MYRIP: variants seen among roughly 807,000 people sequenced by gnomAD.
MYRIP encodes rab effector MyRIP.
In MYRIP, 49 loss-of-function variants were observed where a neutral mutation model predicts 98.0. That is an observed-to-expected ratio of 0.50 (90% CI 0.40 to 0.63). MYRIP has a LOEUF of 0.63. Among genes scored for constraint, MYRIP ranks in the 30% least tolerant of loss-of-function variants. The pLI, the probability that MYRIP is intolerant of heterozygous loss-of-function variation, is 0.00. For missense variants in MYRIP, 1,004 were observed against 1,058.2 expected (o/e 0.95, Z 0.71); for synonymous variants, 404 against 409.5 (o/e 0.99, Z 0.16).
At chr3:39,996,237 C>T (rs929577511) in intron 2 of MYRIP, among the ~76,000 whole-genome samples, 1 of 152,088 alleles carries the variant, frequency 6.6e-6, no homozygotes, top group Non-Finnish European at 1.5e-5. Flanking sequence ...CACAGACTGG[C>T]AAATTGGATA....
At position 40,046,279 on chromosome 3, in the gene MYRIP, G is replaced by T. The variant is rs184695942; in HGVS notation, c.332+2008G>T. 1.6e-3 allele frequency among the ~76,000 whole-genome samples: 247 copies of T among 152,144 alleles called. 1 individual carries two copies. Among genetic ancestry groups the T allele is most frequent in the African/African-American group, 5.7e-3 (236 of 41,492 alleles). On this transcript the variant is annotated intron_variant, in intron 3 of 16. Coordinates refer to ENST00000302541, the MANE Select transcript of MYRIP (RefSeq NM_015460.4). ...ATTCTGCACCTACCAAGTTGGGCAA[G>T]TCCCATGTAGCATTTGACTCAAACA...
intron 3 of MYRIP, among the ~76,000 whole-genome samples, chr3:40,081,942 C>T (rs1451779583): frequency 2.0e-5 from 3 of 152,180 alleles, no homozygotes; most frequent in Non-Finnish European, 4.4e-5. Context: ...TCTGTGCTGA[C>T]TTCTTTCACT....
chr3:40,163,949 A>G (rs1260729254), intron 5 of MYRIP, among the ~76,000 whole-genome samples: 2 of 152,154 alleles, frequency 1.3e-5, no homozygotes, highest in Non-Finnish European at 2.9e-5. Context: ...ACACCATTGT[A>G]TGACCTCAAG....
intron 10 of MYRIP, chr3:40,209,401 T>A (rs1303088284): frequency 6.4e-6 from 1 of 155,982 alleles, no homozygotes; most frequent in Admixed American, 6.3e-5. Context: ...GATTTGATCA[T>A]TACACAATGT....
chr3:40,027,786 T>C lies in MYRIP; in HGVS notation c.111-16264T>C, dbSNP rs373678489. Among the ~76,000 whole-genome samples the C allele has an allele frequency of 1.3e-3, 205 of 152,124 alleles. 3 individuals are homozygous for C. The South Asian group carries it at 0.041, about 30-fold the overall frequency. On this transcript the variant is annotated intron_variant, in intron 2 of 16. Transcript: ENST00000302541. The stretch of plus-strand genomic sequence containing the variant: ...AATAAGTGTGAATTGAGAGAATGAT[T>C]GACATTCTAAGCAAAGCCCATGGCT...
chr3:39,957,541 A>C (rs1437307872), intron 2 of MYRIP, among the ~76,000 whole-genome samples: 2 of 152,098 alleles, frequency 1.3e-5, no homozygotes, highest in East Asian at 3.8e-4. Context: ...AAATAATAAG[A>C]GCTATTTATG....
intron 3 of MYRIP, among the ~76,000 whole-genome samples, chr3:40,125,618 G>T (rs773061711): frequency 2.0e-5 from 3 of 152,166 alleles, no homozygotes; most frequent in Non-Finnish European, 4.4e-5. Flanking sequence ...TAACCATCAC[G>T]CTAGCTATGT....
intron 3 of MYRIP, among the ~76,000 whole-genome samples, chr3:40,139,491 G>A (rs763433623): frequency 8.5e-5 from 13 of 152,146 alleles, no homozygotes; most frequent in Non-Finnish European, 1.6e-4. Context: ...TTTCATTTAA[G>A]TGGAATAATA....
chr3:39,824,692 A>C (rs756539626), intron 1 of MYRIP, among the ~76,000 whole-genome samples: 2 of 150,158 alleles, frequency 1.3e-5, no homozygotes, highest in Non-Finnish European at 3.0e-5. Flanking sequence ...TATTAATCCT[A>C]CTAATCCGAC....
At chr3:39,816,926 C>T (rs1940937027) in intron 1 of MYRIP, among the ~76,000 whole-genome samples, 1 of 152,106 alleles carries the variant, frequency 6.6e-6, no homozygotes, top group East Asian at 1.9e-4. Context: ...GTAATGATAA[C>T]AGCCTTCACA....
intron 2 of MYRIP, among the ~76,000 whole-genome samples, chr3:39,944,196 C>A (rs1358742813): frequency 6.6e-6 from 1 of 152,040 alleles, no homozygotes. Flanking sequence ...GTGTTTGTAG[C>A]CTATAACCTT....
intron 3 of MYRIP, among the ~76,000 whole-genome samples, chr3:40,122,869 TA>T (rs562152411): frequency 3.1e-3 from 469 of 152,238 alleles, no homozygotes; most frequent in Middle Eastern, 6.8e-3. Flanking sequence ...AAAGTAGATA[TA>T]TTTTTTTTTA....
intron 10 of MYRIP, among the ~76,000 whole-genome samples, chr3:40,207,257 T>C (rs1951812530): frequency 6.6e-6 from 1 of 152,200 alleles, no homozygotes; most frequent in Non-Finnish European, 1.5e-5. Flanking sequence ...CCTATTGGTC[T>C]TGCTGCTTCT....
chr3:39,831,842 C>G (rs375829150), intron 1 of MYRIP, among the ~76,000 whole-genome samples: 1 of 152,258 alleles, frequency 6.6e-6, no homozygotes, highest in East Asian at 1.9e-4. Flanking sequence ...GCTGGTGGCT[C>G]TCGTATTGGA....
At chr3:40,087,596 T>C (rs570879990) in intron 3 of MYRIP, among the ~76,000 whole-genome samples, 1 of 152,294 alleles carries the variant, frequency 6.6e-6, no homozygotes, top group South Asian at 2.1e-4. Flanking sequence ...AGCCAATGTT[T>C]AACTAGTTCT....
intron 2 of MYRIP, among the ~76,000 whole-genome samples, chr3:39,984,159 C>G (rs1206428063): frequency 1.3e-5 from 2 of 152,066 alleles, no homozygotes; most frequent in South Asian, 4.2e-4. Flanking sequence ...AGGGAAAAGA[C>G]TTTTCAGTCC....
intron 2 of MYRIP, among the ~76,000 whole-genome samples, chr3:39,997,411 T>C (rs375252767): frequency 0.098 from 14,829 of 150,836 alleles, 1,252 homozygotes; most frequent in African/African-American, 0.22. Flanking sequence ...AACACCTCTA[T>C]GCAAATAAAC....
At chr3:40,009,737 T>A (rs1404725071) in intron 2 of MYRIP, among the ~76,000 whole-genome samples, 1 of 152,100 alleles carries the variant, frequency 6.6e-6, no homozygotes, top group Non-Finnish European at 1.5e-5. Context: ...CATTAAATGG[T>A]CACTCTGATG....
intron 1 of MYRIP, among the ~76,000 whole-genome samples, chr3:39,819,564 A>C (rs1434705277): frequency 6.6e-6 from 1 of 152,176 alleles, no homozygotes; most frequent in Non-Finnish European, 1.5e-5. Flanking sequence ...CTATTCTGTT[A>C]AAATTTAGAA....
Sources: gnomAD v4.1 joint callset for allele counts (sites outside exome capture counted in the v4.1 genomes callset) on GRCh38, gnomAD v4.1.1 for gene constraint, MANE v1.5 for transcripts, NCBI Gene and HGNC (gene_info 2026-07-23, HGNC 2026-07-21) for gene names.